Variants in STX3 observed in about 807,000 individuals in gnomAD.
STX3 encodes syntaxin-3.
STX3 carries 19 observed loss-of-function variants against 40.2 expected under a neutral mutation model. The observed-to-expected ratio is 0.47, with a 90% CI of 0.33 to 0.69. The LOEUF is 0.69. STX3 is among the 30% of genes least tolerant of loss of function. The pLI is 0.02. For synonymous variants in STX3, 122 were observed against 132.2 expected, an observed-to-expected ratio of 0.92 and a Z score of 0.53; for missense variants, 364 against 366.7, an observed-to-expected ratio of 0.99 and a Z score of 0.06.
Position 59,795,300 on chromosome 11 carries a change from A to T in STX3, c.676-72A>T. 4.8e-6 allele frequency: 6 copies of T among 1,261,664 alleles called. No homozygotes were observed. The South Asian group carries it at 6.6e-5, about 14-fold the overall frequency. 78.2% of individuals were successfully genotyped at this position (1,261,664 alleles called of 1,614,324 possible). A position where few individuals can be genotyped will look rare whatever the true frequency, so the allele number is the denominator to read the frequency against. ...TGCCACTGAAGATTGTAAGAAAGAG[A>T]ATCCCTTCCCCGCATTGGCTAGGAC... On this transcript the variant is annotated intron_variant, in intron 8 of 10. Transcript: ENST00000337979.
At chr11:59,765,046 G>T (rs1052533673) in intron 1 of STX3, among the ~76,000 whole-genome samples, 1 of 152,036 alleles carries the variant, frequency 6.6e-6, no homozygotes, top group African/African-American at 2.4e-5. Flanking sequence ...TTCAAATAGG[G>T]CTAATTCTTT....
intron 9 of STX3, 93 bp downstream of exon 9, chr11:59,795,575 G>T (rs1462257605): frequency 6.5e-7 from 1 of 1,546,398 alleles, no homozygotes; most frequent in Non-Finnish European, 8.7e-7. Context: ...TGTTTCTGCT[G>T]CCACCACCTC....
chr11:59,754,372 C>T (rs1400563920), upstream of STX3: 1 of 152,294 alleles, frequency 6.6e-6, no homozygotes, highest in South Asian at 2.1e-4. Flanking sequence ...AAGATATTTA[C>T]AGCTTTTTAA....
chr11:59,756,629 A>G (rs1862730652), intron 1 of STX3, among the ~76,000 whole-genome samples: 1 of 152,178 alleles, frequency 6.6e-6, no homozygotes, highest in Admixed American at 6.5e-5. Context: ...CCATTTCCCC[A>G]GGTGATTCAT....
intron 1 of STX3, among the ~76,000 whole-genome samples, chr11:59,762,778 A>G (rs1338126576): frequency 1.3e-5 from 2 of 152,170 alleles, no homozygotes; most frequent in African/African-American, 4.8e-5. Context: ...TGAGATCTCC[A>G]GGAGGAAGAA....
chr11:59,796,659 G>T (rs1158966364), intron 9 of STX3, among the ~76,000 whole-genome samples: 1 of 152,198 alleles, frequency 6.6e-6, no homozygotes, highest in Non-Finnish European at 1.5e-5. Context: ...ATCAGTCAGT[G>T]ACTTTTTATC....
intron 4 of STX3, among the ~76,000 whole-genome samples, chr11:59,789,629 C>A (rs896224740): frequency 6.6e-6 from 1 of 152,130 alleles, no homozygotes; most frequent in African/African-American, 2.4e-5. Flanking sequence ...TTAGTAGAGA[C>A]GAGGTTTCGC....
chr11:59,795,567 T>C, intron 9 of STX3, 85 bp downstream of exon 9: 1 of 1,548,256 alleles, frequency 6.5e-7, no homozygotes, highest in East Asian at 2.4e-5. Context: ...CCTGTCTCTG[T>C]TTCTGCTGCC....
intron 1 of STX3, among the ~76,000 whole-genome samples, chr11:59,756,889 C>T (rs1314245169): frequency 6.6e-6 from 1 of 152,210 alleles, no homozygotes; most frequent in Non-Finnish European, 1.5e-5. Context: ...ATGTCAGGGA[C>T]TGCTGGGATG....
chr11:59,795,755 A>G (rs1455522268), intron 9 of STX3: 5 of 1,506,330 alleles, frequency 3.3e-6, no homozygotes, highest in Non-Finnish European at 4.5e-6. Context: ...CAGCTGTCTT[A>G]CTAGTATCTC....
intron 1 of STX3, among the ~76,000 whole-genome samples, chr11:59,761,208 A>G (rs926839111): frequency 6.6e-6 from 1 of 152,218 alleles, no homozygotes; most frequent in Non-Finnish European, 1.5e-5. Context: ...CTATTTAGAA[A>G]GACAATGAAG....
In STX3 at chr11:59,802,095, T is replaced by C; in HGVS notation, c.*1271T>C. 1 of 985,432 alleles carries C rather than the reference T, an allele frequency of 1.0e-6. No homozygotes were observed. Among genetic ancestry groups the C allele is most frequent in the Non-Finnish European group, 1.2e-6 (1 of 829,944 alleles). 61.0% of individuals were successfully genotyped at this position (985,432 alleles called of 1,614,324 possible). Reference sequence around the variant, plus strand: ...TGTCCTGAGAACATCCCTCAGTAACTTGATATTCACATGACCTACAGGATG... The same window carrying C: ...TGTCCTGAGAACATCCCTCAGTAACCTGATATTCACATGACCTACAGGATG... On this transcript the variant is annotated 3_prime_UTR_variant, in exon 11 of 11. Transcript: ENST00000337979.
At chr11:59,800,314 C>CT in intron 10 of STX3, 1 of 985,372 alleles carries the variant, frequency 1.0e-6, no homozygotes, top group Non-Finnish European at 1.2e-6. Flanking sequence ...GCTGCTTGCT[C>CT]TAAGATCATA....
intron 7 of STX3, 73 bp from the exon 8 acceptor site, chr11:59,793,307 C>T (rs1234283280): frequency 6.2e-6 from 10 of 1,602,640 alleles, no homozygotes; most frequent in Middle Eastern, 1.7e-4. Context: ...TCCCCAGGAG[C>T]GTGCATGAGG....
At chr11:59,793,055 C>T (rs749347318) in intron 6 of STX3, 44 bp from the exon 7 acceptor site, 1 of 1,594,036 alleles carries the variant, frequency 6.3e-7, no homozygotes, top group South Asian at 1.1e-5. Context: ...GATGGTGTTT[C>T]ACCGTGATCT....
chr11:59,767,201 G>A (rs1863323091), intron 1 of STX3, among the ~76,000 whole-genome samples: 1 of 152,046 alleles, frequency 6.6e-6, no homozygotes, highest in African/African-American at 2.4e-5. Flanking sequence ...GGGTAGGGTC[G>A]GGGGAGATAG....
At chr11:59,769,685 GAGTGATA>G (rs1863467916) in intron 1 of STX3, among the ~76,000 whole-genome samples, 2 of 152,186 alleles carry the variant, frequency 1.3e-5, no homozygotes, top group Admixed American at 1.3e-4. Flanking sequence ...CGTCATGATG[GAGTGATA>G]AGTGTCTGCC....
intron 10 of STX3, chr11:59,800,056 CG>C: frequency 2.0e-6 from 2 of 985,400 alleles, no homozygotes; most frequent in Non-Finnish European, 2.4e-6. Flanking sequence ...TTTTTCAGGA[CG>C]TAACTCCTCA....
At chr11:59,796,438 TGTTTA>T (rs1865522385) in intron 9 of STX3, among the ~76,000 whole-genome samples, 2 of 152,216 alleles carry the variant, frequency 1.3e-5, no homozygotes, top group Admixed American at 6.5e-5. Context: ...ATATTGTTGT[TGTTTA>T]GTTCTTTGTT....
Sources: gnomAD v4.1 joint callset for allele counts (sites outside exome capture counted in the v4.1 genomes callset) on GRCh38, gnomAD v4.1.1 for gene constraint, MANE v1.5 for transcripts, NCBI Gene and HGNC (gene_info 2026-07-23, HGNC 2026-07-21) for gene names.